Variants in DYNC2I2 observed in about 807,000 individuals in gnomAD.
DYNC2I2 encodes cytoplasmic dynein 2 intermediate chain 2.
Under a neutral mutation model 52.0 loss-of-function variants are expected in DYNC2I2, and 39 were observed. That is an observed-to-expected ratio of 0.75 (90% CI 0.58 to 0.98). The LOEUF (loss-of-function observed/expected upper bound fraction) is 0.98. DYNC2I2 is among the 50% of genes least tolerant of loss of function. The pLI is 0.00. For missense variants in DYNC2I2, 743 were observed against 728.4 expected, an observed-to-expected ratio of 1.02 and a Z score of -0.23; for synonymous variants, 359 against 321.1, an observed-to-expected ratio of 1.12 and a Z score of -1.26.
the DYNC2I2 span, among the ~76,000 whole-genome samples, chr9:128,680,417 G>A: frequency 2.6e-5 from 4 of 151,412 alleles, no homozygotes; most frequent in African/African-American, 4.8e-5. Flanking sequence ...TTGCTCTGTC[G>A]CCCAGGCTGG....
chr9:128,681,637 T>C, the DYNC2I2 span, among the ~76,000 whole-genome samples: 2 of 152,228 alleles, frequency 1.3e-5, no homozygotes, highest in African/African-American at 4.8e-5. Flanking sequence ...TTGGGTAGTC[T>C]TGGCATGCAG....
At chr9:128,658,310 C>T (rs1280215162), upstream of DYNC2I2, among the ~76,000 whole-genome samples, 1 of 151,726 alleles carries the variant, frequency 6.6e-6, no homozygotes, top group African/African-American at 2.4e-5. Context: ...GGATTACAGG[C>T]ACATGCCACC....
intron 2 of DYNC2I2, 150 bp from the exon 3 acceptor site, chr9:128,637,177 CCCA>C: frequency 3.3e-6 from 2 of 608,872 alleles, no homozygotes; most frequent in Non-Finnish European, 2.9e-6. Flanking sequence ...CACGTTCATC[CCCA>C]CATCTGCCCC....
intron 1 of DYNC2I2, among the ~76,000 whole-genome samples, chr9:128,649,066 T>C (rs1348745558): frequency 6.6e-6 from 1 of 152,110 alleles, no homozygotes; most frequent in Admixed American, 6.6e-5. Context: ...CAAAAATGCA[T>C]CCCACTGGGA....
rs771610840 is a variant in DYNC2I2 at position 128,634,897 on chromosome 9, C to T, written c.1006G>A (p.Gly336Ser). Residue 336 changes from glycine to serine, a missense_variant, in exon 7 of 9, where the codon GGC becomes AGC. Physicochemically the swap from Gly to Ser is moderately conservative, Grantham distance 56. Coordinates refer to ENST00000372715, the MANE Select transcript of DYNC2I2 (RefSeq NM_052844.4). ...CTGGAGAAGGCCACTGCCGTGGCGC[C>T]CACCTCGGTCTCCCCGCGGGGATGC... ...KKHPRGETEV[G>S]ATAVAFSSFD... 3.1e-6 allele frequency: 5 copies of T among 1,612,764 alleles called. No homozygotes were observed. Among genetic ancestry groups the T allele is most frequent in the Non-Finnish European group, 4.2e-6 (5 of 1,179,890 alleles).
rs577189292 is a variant in DYNC2I2, at chr9:128,634,727, G to A, written c.1176C>T (p.Gly392=). 33 of 1,591,640 alleles carry A rather than the reference G, an allele frequency of 2.1e-5. No individual in the cohort carries two copies. Among genetic ancestry groups the A allele is most frequent in the Middle Eastern group, 1.7e-4 (1 of 6,032 alleles). The change falls in exon 7 of 9, where the codon GGC becomes GGT. Residue 392 remains glycine (G), a synonymous_variant. Transcript: ENST00000372715. ...AACAGCTCACAGAGTAGATGGGACC[G>A]CCGTGGGGGGAGAAGGTAAACTGTG... The part of the protein sequence containing the change: ...APAQFTFSPH[G]GPIYSVSCSP...
At chr9:128,655,131 T>C (rs960334458) in intron 1 of DYNC2I2, among the ~76,000 whole-genome samples, 1 of 151,758 alleles carries the variant, frequency 6.6e-6, no homozygotes, top group Non-Finnish European at 1.5e-5. Flanking sequence ...CATCAGAGCA[T>C]CTCCTTTCGT....
the DYNC2I2 span, among the ~76,000 whole-genome samples, chr9:128,682,162 C>T: frequency 1.4e-4 from 22 of 151,946 alleles, no homozygotes; most frequent in African/African-American, 5.3e-4. Context: ...CATTCTCCTG[C>T]CTCAGCCTCC....
In DYNC2I2 at chr9:128,633,689, G is replaced by A. The variant is rs908324498; in HGVS notation, c.*55C>T. The stretch of plus-strand genomic sequence containing the variant: ...CTTTGCTTTTCTTCATTTGGCTTGC[G>A]TCAGAAACACAAGGCTCGGCACAGC... On this transcript the variant is annotated 3_prime_UTR_variant, in exon 9 of 9. Transcript: ENST00000372715. 38 of 1,552,376 alleles carry A rather than the reference G, an allele frequency of 2.4e-5. 1 individual carries two copies. The highest frequency in any genetic ancestry group is 1.3e-4 in the Admixed American group (7 of 52,648).
intron 1 of DYNC2I2, among the ~76,000 whole-genome samples, chr9:128,649,093 G>A (rs1431091618): frequency 1.3e-5 from 2 of 152,120 alleles, no homozygotes; most frequent in Non-Finnish European, 2.9e-5. Flanking sequence ...TCAATAGATC[G>A]CGGTGATGAC....
At chr9:128,682,094 T>C in the DYNC2I2 span, among the ~76,000 whole-genome samples, 1 of 151,642 alleles carries the variant, frequency 6.6e-6, no homozygotes, top group Non-Finnish European at 1.5e-5. Context: ...AGTCTCGCTC[T>C]GTCGCTCAGG....
chr9:128,635,592 G>C (rs775216433), intron 5 of DYNC2I2, 66 bp downstream of exon 5: 16 of 1,436,780 alleles, frequency 1.1e-5, no homozygotes, highest in Non-Finnish European at 1.4e-5. Context: ...ACCTTCCTAG[G>C]AGAGTGGGCG....
the DYNC2I2 span, among the ~76,000 whole-genome samples, chr9:128,671,896 G>A: frequency 1.3e-5 from 2 of 151,498 alleles, no homozygotes; most frequent in Admixed American, 6.6e-5. Flanking sequence ...CTCATGATCC[G>A]CCCGCCTCGG....
At chr9:128,645,447 G>C (rs1180927121) in intron 1 of DYNC2I2, among the ~76,000 whole-genome samples, 1 of 144,288 alleles carries the variant, frequency 6.9e-6, no homozygotes, top group Non-Finnish European at 1.5e-5. Flanking sequence ...GTGAAACTCT[G>C]TCTCAAAAAA....
At chr9:128,683,961 G>T in the DYNC2I2 span, 3,465 of 1,557,270 alleles carry the variant, frequency 2.2e-3, 18 homozygotes, top group African/African-American at 0.017. Context: ...CTCCTGCTCT[G>T]GGACCGGAGG....
rs746024280 is a variant in DYNC2I2, at chr9:128,634,684, C to A, written c.1214+5G>T. On this transcript the variant is annotated splice_donor_5th_base_variant and intron_variant, in intron 7 of 8. Coordinates refer to ENST00000372715, the MANE Select transcript of DYNC2I2 (RefSeq NM_052844.4). The stretch of plus-strand genomic sequence containing the variant: ...CCCACTGTGCCCCAGGCCTGCCCTA[C>A]GTACCTGTGGAAGGGGGAACAGCTC... 6.5e-7 allele frequency: 1 copy of A among 1,544,908 alleles called. No homozygotes were observed. Among genetic ancestry groups the A allele is most frequent in the East Asian group, 2.4e-5 (1 of 42,180 alleles).
At chr9:128,679,717 G>C in the DYNC2I2 span, among the ~76,000 whole-genome samples, 1 of 150,956 alleles carries the variant, frequency 6.6e-6, no homozygotes, top group African/African-American at 2.4e-5. Flanking sequence ...CGCGATCTCA[G>C]CTCACTGAGG....
chr9:128,652,623 C>CAAAA (rs71381784), intron 1 of DYNC2I2, among the ~76,000 whole-genome samples: 1 of 140,464 alleles, frequency 7.1e-6, no homozygotes, highest in Admixed American at 7.1e-5. Flanking sequence ...AATTCCGTCT[C>CAAAA]AAAAAAAAAA....
intron 5 of DYNC2I2, 152 bp from the exon 6 acceptor site, chr9:128,635,411 G>A (rs1220413298): frequency 3.2e-5 from 32 of 996,444 alleles, no homozygotes; most frequent in South Asian, 1.0e-4. Flanking sequence ...AGGCCTGGAG[G>A]GTTCCCAGGG....
Sources: gnomAD v4.1 joint callset for allele counts (sites outside exome capture counted in the v4.1 genomes callset) on GRCh38, gnomAD v4.1.1 for gene constraint, MANE v1.5 for transcripts, NCBI Gene and HGNC (gene_info 2026-07-23, HGNC 2026-07-21) for gene names.